Variants in ZFAT observed in about 807,000 individuals in gnomAD.
ZFAT encodes the protein zinc finger protein ZFAT.
ZFAT carries 64 observed loss-of-function variants against 117.7 expected under a neutral mutation model. That is an observed-to-expected ratio of 0.54 (90% confidence interval 0.44 to 0.67). The LOEUF is 0.67. Ranked by LOEUF, ZFAT falls within the 30% of genes least tolerant of loss-of-function variation. The pLI, the probability that ZFAT is intolerant of heterozygous loss-of-function variation, is 0.00. For synonymous variants in ZFAT, 679 were observed against 615.0 expected (o/e 1.10, Z -1.54); for missense variants, 1,433 against 1,584.5 (o/e 0.90, Z 1.62).
intron 2 of ZFAT, among the ~76,000 whole-genome samples, chr8:134,641,496 C>A (rs1211155556): frequency 6.6e-6 from 1 of 152,180 alleles, no homozygotes; most frequent in Admixed American, 6.5e-5. Context: ...GCTAAGTGAG[C>A]AGGATGACTA....
At chr8:134,544,428 A>C (rs1186936670) in intron 11 of ZFAT, among the ~76,000 whole-genome samples, 1 of 144,668 alleles carries the variant, frequency 6.9e-6, no homozygotes, top group African/African-American at 2.6e-5. Context: ...AAAGAAAAAA[A>C]CTAAAAATCT....
At chr8:134,804,552 T>A in the ZFAT span, among the ~76,000 whole-genome samples, 1 of 152,180 alleles carries the variant, frequency 6.6e-6, no homozygotes, top group African/African-American at 2.4e-5. Flanking sequence ...TCTCCTGAAT[T>A]GTTGGGATGT....
chr8:134,520,139 T>C (rs753781512), intron 13 of ZFAT, among the ~76,000 whole-genome samples: 31 of 152,184 alleles, frequency 2.0e-4, no homozygotes, highest in Non-Finnish European at 3.8e-4. Context: ...ACACTGAACA[T>C]TGGTAATGTC....
At chr8:134,481,736 G>A (rs965555968) in intron 15 of ZFAT, among the ~76,000 whole-genome samples, 5 of 152,242 alleles carry the variant, frequency 3.3e-5, no homozygotes, top group African/African-American at 1.2e-4. Context: ...GGAAATGGCT[G>A]CTGCCCATAG....
chr8:134,623,064 T>C (rs531606286), intron 3 of ZFAT, among the ~76,000 whole-genome samples: 48 of 152,238 alleles, frequency 3.2e-4, no homozygotes, highest in African/African-American at 1.1e-3. Flanking sequence ...CCCCAGGCCA[T>C]CCTCTTAGTC....
At chr8:134,791,056 T>C in the ZFAT span, among the ~76,000 whole-genome samples, 2 of 152,216 alleles carry the variant, frequency 1.3e-5, no homozygotes, top group African/African-American at 4.8e-5. Context: ...TTTCCCCTAA[T>C]GACTTTAAAA....
At chr8:134,777,772 A>G in the ZFAT span, among the ~76,000 whole-genome samples, 1 of 152,352 alleles carries the variant, frequency 6.6e-6, no homozygotes, top group East Asian at 1.9e-4. Context: ...TTCTGCTTCT[A>G]TGACATTGTC....
intron 15 of ZFAT, among the ~76,000 whole-genome samples, chr8:134,504,976 G>GGCC (rs1819282742): frequency 6.6e-6 from 1 of 152,038 alleles, no homozygotes; most frequent in Non-Finnish European, 1.5e-5. Flanking sequence ...CAGGTACACG[G>GGCC]GCCCCTGGTG....
At chr8:134,788,291 G>A in the ZFAT span, among the ~76,000 whole-genome samples, 13,491 of 152,094 alleles carry the variant, frequency 0.089, 668 homozygotes, top group South Asian at 0.14. Context: ...TCCACGCACT[G>A]CTTCAGCTGC....
chr8:134,790,452 A>AT, the ZFAT span, among the ~76,000 whole-genome samples: 1 of 152,170 alleles, frequency 6.6e-6, no homozygotes, highest in Non-Finnish European at 1.5e-5. Flanking sequence ...AACTGTTTTC[A>AT]TTATAACGTA....
intron 1 of ZFAT, among the ~76,000 whole-genome samples, chr8:134,665,132 C>T (rs1832145324): frequency 2.0e-5 from 3 of 152,342 alleles, no homozygotes; most frequent in Admixed American, 2.0e-4. Flanking sequence ...GGTGTTTTGA[C>T]CCAACTCCTT....
chr8:134,754,869 C>T, the ZFAT span, among the ~76,000 whole-genome samples: 1 of 152,020 alleles, frequency 6.6e-6, no homozygotes, highest in East Asian at 1.9e-4. Context: ...AAGTCCTCTT[C>T]GCCAATGGCT....
At chr8:134,512,246 C>T (rs764743226) in intron 14 of ZFAT, among the ~76,000 whole-genome samples, 6 of 152,214 alleles carry the variant, frequency 3.9e-5, no homozygotes, top group Non-Finnish European at 7.3e-5. Flanking sequence ...GTGAGGGACT[C>T]TTGCGGCCCT....
At chr8:134,677,122 A>G (rs1324840621) in intron 1 of ZFAT, among the ~76,000 whole-genome samples, 1 of 139,492 alleles carries the variant, frequency 7.2e-6, no homozygotes, top group Non-Finnish European at 1.6e-5. Flanking sequence ...TAGAGATACG[A>G]AAAACCCTTC....
At chr8:134,734,736 G>A in the ZFAT span, among the ~76,000 whole-genome samples, 1 of 152,200 alleles carries the variant, frequency 6.6e-6, no homozygotes, top group South Asian at 2.1e-4. Context: ...CTAACACCAT[G>A]TGTTCCGGGA....
intron 11 of ZFAT, chr8:134,565,118 A>C (rs1263911147): frequency 6.6e-7 from 1 of 1,514,196 alleles, no homozygotes; most frequent in Non-Finnish European, 8.8e-7. Context: ...CACATCTTTG[A>C]CTTGGTTTCC....
chr8:134,542,020 G>A (rs1331079884), intron 11 of ZFAT, among the ~76,000 whole-genome samples: 2 of 152,198 alleles, frequency 1.3e-5, no homozygotes, highest in South Asian at 4.1e-4. Context: ...TTGAAGGCCA[G>A]GCCAGCTGGT....
At chr8:134,561,292 T>A (rs1824031700) in intron 11 of ZFAT, among the ~76,000 whole-genome samples, 1 of 152,338 alleles carries the variant, frequency 6.6e-6, no homozygotes, top group Non-Finnish European at 1.5e-5. Context: ...AAAGGCAATA[T>A]TAAAAATTGC....
chr8:134,697,463 C>T (rs1204255730), intron 1 of ZFAT, among the ~76,000 whole-genome samples: 1 of 148,340 alleles, frequency 6.7e-6, no homozygotes, highest in East Asian at 2.2e-4. Flanking sequence ...CGCGGTGGCT[C>T]ACGCCTATAA....
Sources: allele counts gnomAD v4.1 joint callset (sites outside exome capture counted in the v4.1 genomes callset), GRCh38; gene constraint gnomAD v4.1.1; transcripts MANE v1.5; gene names NCBI Gene and HGNC (gene_info 2026-07-23, HGNC 2026-07-21).